The following CGNL1 variants were observed in gnomAD, a reference collection of about 807,000 sequenced individuals.
CGNL1 encodes cingulin like 1.
In CGNL1, 132 loss-of-function variants were observed where a neutral mutation model predicts 141.2. The observed-to-expected ratio is 0.93, with a 90% CI of 0.81 to 1.08. CGNL1 has a LOEUF of 1.08. Ranked by LOEUF, CGNL1 falls within the 50% of genes least tolerant of loss-of-function variation. The pLI, the probability that CGNL1 is intolerant of heterozygous loss-of-function variation, is 0.00. For missense variants in CGNL1, 1,870 were observed against 1,588.6 expected, an observed-to-expected ratio of 1.18 and a Z score of -3.01; for synonymous variants, 690 against 622.1, an observed-to-expected ratio of 1.11 and a Z score of -1.63.
intron 4 of CGNL1, among the ~76,000 whole-genome samples, chr15:57,448,334 G>C (rs1017629946): frequency 2.6e-5 from 4 of 151,186 alleles, no homozygotes; most frequent in Admixed American, 2.0e-4. Flanking sequence ...TATTTTTATA[G>C]AATCTATCTC....
rs59213732 is a variant in CGNL1, at chr15:57,383,292, C to CTTTTTTTTTTTTTTTTTTTTTTT, written c.-16+6738_-16+6739insTTTTTTTTTTTTTTTTTTTTTTT. 7.3e-5 allele frequency among the ~76,000 whole-genome samples: 8 copies of CTTTTTTTTTTTTTTTTTTTTTTT among 109,580 alleles called. No individual in the cohort carries two copies. The East Asian group carries it at 1.0e-3, about 14-fold the overall frequency. 71.9% of individuals were successfully genotyped at this position (109,580 alleles called of 152,430 possible). On this transcript the variant is annotated intron_variant, in intron 1 of 18. Transcript: ENST00000281282. The stretch of plus-strand genomic sequence containing the variant: ...TAACAAACTTAAGATTTCTTTCTTC[C>CTTTTTTTTTTTTTTTTTTTTTTT]TTTTTTTTTTTTTGTTTTTTTGATA...
At chr15:57,401,402 C>T (rs1363251275) in intron 1 of CGNL1, among the ~76,000 whole-genome samples, 3 of 152,176 alleles carry the variant, frequency 2.0e-5, no homozygotes, top group African/African-American at 7.2e-5. Context: ...CAACTCCAAA[C>T]CGTCCGTCAG....
chr15:57,545,828 C>T (rs1348559717), intron 17 of CGNL1, 128 bp downstream of exon 17: 20 of 800,562 alleles, frequency 2.5e-5, no homozygotes, highest in Non-Finnish European at 4.0e-5. Flanking sequence ...TTTCCACGCA[C>T]CCAGTCACAT....
chr15:57,457,544 C>G (rs1291860066), intron 7 of CGNL1, among the ~76,000 whole-genome samples: 1 of 152,138 alleles, frequency 6.6e-6, no homozygotes, highest in African/African-American at 2.4e-5. Context: ...AAAGACATAC[C>G]TGAGACTGGG....
intron 8 of CGNL1, among the ~76,000 whole-genome samples, chr15:57,470,958 G>A (rs534873090): frequency 3.3e-5 from 5 of 152,182 alleles, no homozygotes; most frequent in South Asian, 2.1e-4. Flanking sequence ...GTTCCTCTTC[G>A]AAGAACCTCT....
chr15:57,459,199 C>G (rs1458506048), intron 7 of CGNL1, among the ~76,000 whole-genome samples: 1 of 152,174 alleles, frequency 6.6e-6, no homozygotes, highest in Non-Finnish European at 1.5e-5. Context: ...AGTGAAATAA[C>G]TGATGAGTTC....
intron 8 of CGNL1, among the ~76,000 whole-genome samples, chr15:57,508,511 T>G (rs1426381521): frequency 6.6e-6 from 1 of 152,252 alleles, no homozygotes; most frequent in African/African-American, 2.4e-5. Context: ...TGTTTAGGTA[T>G]TACTGATTAT....
chr15:57,427,338 A>G (rs918242650), intron 1 of CGNL1, among the ~76,000 whole-genome samples: 1 of 152,216 alleles, frequency 6.6e-6, no homozygotes, highest in Non-Finnish European at 1.5e-5. Flanking sequence ...GCCACACTAT[A>G]CAATACAGAG....
chr15:57,503,383 C>T (rs1468056913), intron 8 of CGNL1, among the ~76,000 whole-genome samples: 4 of 152,156 alleles, frequency 2.6e-5, no homozygotes, highest in East Asian at 1.9e-4. Context: ...CTGCCAGATG[C>T]AGTGCTTGTG....
At chr15:57,517,008 C>G in intron 9 of CGNL1, 22 bp downstream of exon 9, 1 of 1,604,260 alleles carries the variant, frequency 6.2e-7, no homozygotes, top group East Asian at 2.2e-5. Flanking sequence ...TGGGCCCAGG[C>G]CCAGCTTTGG....
intron 4 of CGNL1, among the ~76,000 whole-genome samples, chr15:57,449,844 C>T (rs1298837328): frequency 2.6e-5 from 4 of 152,036 alleles, no homozygotes; most frequent in Non-Finnish European, 5.9e-5. Context: ...GGCTCATTTC[C>T]CTTAGTAGTG....
At chr15:57,412,265 G>C (rs2062797684) in intron 1 of CGNL1, among the ~76,000 whole-genome samples, 1 of 152,222 alleles carries the variant, frequency 6.6e-6, no homozygotes, top group Non-Finnish European at 1.5e-5. Flanking sequence ...GACAGAGGCA[G>C]CTTCACTCAG....
At chr15:57,482,934 G>A (rs1037411418) in intron 8 of CGNL1, among the ~76,000 whole-genome samples, 9 of 152,044 alleles carry the variant, frequency 5.9e-5, no homozygotes, top group Middle Eastern at 3.2e-3. Flanking sequence ...ACAGGCAGCC[G>A]CCACCTCGCC....
At chr15:57,477,777 C>T (rs2063675273) in intron 8 of CGNL1, among the ~76,000 whole-genome samples, 1 of 152,072 alleles carries the variant, frequency 6.6e-6, no homozygotes, top group Admixed American at 6.6e-5. Flanking sequence ...GAACTGTTTC[C>T]CTTGCAGGTT....
intron 1 of CGNL1, among the ~76,000 whole-genome samples, chr15:57,430,911 G>A (rs1360971081): frequency 6.6e-6 from 1 of 152,030 alleles, no homozygotes; most frequent in African/African-American, 2.4e-5. Flanking sequence ...TAGTAAAGAT[G>A]GGATTTTGCT....
At chr15:57,412,648 GA>G (rs2062802937) in intron 1 of CGNL1, among the ~76,000 whole-genome samples, 1 of 152,204 alleles carries the variant, frequency 6.6e-6, no homozygotes, top group African/African-American at 2.4e-5. Context: ...ATCTCTGTGA[GA>G]AAGCTCATTT....
chr15:57,383,298 T>TTTTTTTTTTTTG lies in CGNL1; in HGVS notation c.-16+6738_-16+6739insTTTTGTTTTTTT, dbSNP rs1555428834. On this transcript the variant is annotated intron_variant, in intron 1 of 18. Coordinates refer to ENST00000281282, the MANE Select transcript of CGNL1 (RefSeq NM_032866.5). ...ACTTAAGATTTCTTTCTTCCTTTTT[T>TTTTTTTTTTTTG]TTTTTTTGTTTTTTTGATACAGAGT... Among the ~76,000 whole-genome samples, 859 of 141,640 alleles carry TTTTTTTTTTTTG rather than the reference T, an allele frequency of 6.1e-3. 10 individuals carry two copies. The highest frequency in any genetic ancestry group is 0.02 in the African/African-American group (738 of 36,652). 92.9% of individuals were successfully genotyped at this position (141,640 alleles called of 152,430 possible). A position where few individuals can be genotyped will look rare whatever the true frequency, so the allele number is the denominator to read the frequency against.
At chr15:57,509,843 A>C (rs2030089043) in intron 8 of CGNL1, among the ~76,000 whole-genome samples, 1 of 152,238 alleles carries the variant, frequency 6.6e-6, no homozygotes, top group Non-Finnish European at 1.5e-5. Context: ...GAAATTTTGC[A>C]GTTCAGCATG....
intron 10 of CGNL1, among the ~76,000 whole-genome samples, chr15:57,522,255 C>G (rs1303089247): frequency 2.0e-5 from 3 of 152,288 alleles, no homozygotes; most frequent in East Asian, 1.9e-4. Context: ...GCAGCCAGCC[C>G]AACAGAGCCC....
Sources: allele counts gnomAD v4.1 joint callset (sites outside exome capture counted in the v4.1 genomes callset), GRCh38; gene constraint gnomAD v4.1.1; transcripts MANE v1.5; gene names NCBI Gene and HGNC (gene_info 2026-07-23, HGNC 2026-07-21).